The following RASGRF2 variants were observed in gnomAD, a reference collection of about 807,000 sequenced individuals.
RASGRF2 encodes the protein Ras protein specific guanine nucleotide releasing factor 2, also known as ras-specific guanine nucleotide-releasing factor 2.
In RASGRF2, 76 loss-of-function variants were observed where a neutral mutation model predicts 151.0. The observed-to-expected ratio is 0.50, with a 90% CI of 0.42 to 0.61. The LOEUF is 0.61. Ranked by LOEUF, RASGRF2 falls within the 20% of genes least tolerant of loss-of-function variation. The pLI is 0.00. For synonymous variants in RASGRF2, 504 were observed against 566.5 expected (o/e 0.89, Z 1.57); for missense variants, 1,148 against 1,564.6 (o/e 0.73, Z 4.49).
chr5:80,972,000 G>T (rs1040709915), intron 1 of RASGRF2, among the ~76,000 whole-genome samples: 1 of 152,112 alleles, frequency 6.6e-6, no homozygotes, highest in Non-Finnish European at 1.5e-5. Context: ...CTCCCAAAGT[G>T]CTGGGATTAC....
intron 12 of RASGRF2, among the ~76,000 whole-genome samples, chr5:81,105,710 A>G: frequency 6.6e-6 from 1 of 152,152 alleles, no homozygotes; most frequent in South Asian, 2.1e-4. Flanking sequence ...AAAGAAGTCT[A>G]AGGAGTAGCT....
In RASGRF2 at chr5:81,001,695, C is replaced by G. The variant is rs76140714; in HGVS notation, c.288+40669C>G. Among the ~76,000 whole-genome samples, 799 of 152,284 alleles carry G rather than the reference C, an allele frequency of 5.2e-3. 8 individuals are homozygous for G. The highest frequency in any genetic ancestry group is 0.018 in the African/African-American group (739 of 41,550). Reference sequence around the variant, plus strand: ...CTCCTCTTGTGAAAACCCAGAGCAACCTTTTCGAGACAATTGTACCCTGAC... The same window carrying G: ...CTCCTCTTGTGAAAACCCAGAGCAAGCTTTTCGAGACAATTGTACCCTGAC... On this transcript the variant is annotated intron_variant, in intron 1 of 26. Coordinates refer to ENST00000265080, the MANE Select transcript of RASGRF2 (RefSeq NM_006909.3).
At chr5:81,146,930 A>C (rs2112611962) in intron 17 of RASGRF2, among the ~76,000 whole-genome samples, 1 of 152,290 alleles carries the variant, frequency 6.6e-6, no homozygotes, top group Non-Finnish European at 1.5e-5. Context: ...CTGTGTACAC[A>C]CAGTACCATA....
intron 12 of RASGRF2, among the ~76,000 whole-genome samples, chr5:81,104,933 G>C (rs1049782396): frequency 1.3e-5 from 2 of 152,168 alleles, no homozygotes; most frequent in African/African-American, 2.4e-5. Flanking sequence ...GTGGCTTGTG[G>C]ACTATGGAAG....
intron 12 of RASGRF2, among the ~76,000 whole-genome samples, chr5:81,099,176 C>T (rs1005058384): frequency 6.6e-6 from 1 of 152,142 alleles, no homozygotes; most frequent in African/African-American, 2.4e-5. Context: ...CTAAAGTCTC[C>T]ACAATCTTGC....
chr5:81,108,834 CTGTGTGTGTGTGTGTG>C (rs10606038), intron 12 of RASGRF2, among the ~76,000 whole-genome samples, 146 bp from the exon 13 acceptor site: 64 of 139,912 alleles, frequency 4.6e-4, no homozygotes, highest in Middle Eastern at 3.6e-3. Flanking sequence ...TTTACCTACT[CTGTGTGTGTGTGTGTG>C]TGTGTGTGTG....
chr5:81,053,375 G>A (rs1052366469), intron 2 of RASGRF2, among the ~76,000 whole-genome samples: 2 of 149,638 alleles, frequency 1.3e-5, no homozygotes, highest in African/African-American at 4.9e-5. Context: ...AACATGCGGT[G>A]TTTGGTTTTT....
At chr5:81,032,303 A>G (rs1400538184) in intron 1 of RASGRF2, among the ~76,000 whole-genome samples, 3 of 152,252 alleles carry the variant, frequency 2.0e-5, no homozygotes, top group African/African-American at 4.8e-5. Flanking sequence ...TTATGAGGCT[A>G]GCATCATCTT....
intron 2 of RASGRF2, among the ~76,000 whole-genome samples, chr5:81,049,572 A>G (rs533396265): frequency 6.6e-6 from 1 of 152,062 alleles, no homozygotes; most frequent in South Asian, 2.1e-4. Context: ...TGTGGCTGCT[A>G]TGTAGGGCTT....
rs1460246892 is a variant in RASGRF2 at position 81,183,205 on chromosome 5, C to T, written c.2793+2924C>T. The T allele has an allele frequency of 3.1e-6, 3 of 983,574 alleles. No individual in the cohort carries two copies. The African/African-American group carries it at 5.2e-5, about 17-fold the overall frequency. 60.9% of individuals were successfully genotyped at this position (983,574 alleles called of 1,614,324 possible). The stretch of plus-strand genomic sequence containing the variant: ...GGGAGGCCACTTCGATTTCTAGAAA[C>T]AGAAAAGCTGTAGATCCACATCAAT... On this transcript the variant is annotated intron_variant, in intron 18 of 26. Transcript: ENST00000265080.
At chr5:81,190,644 ACAAC>A (rs1366889683) in intron 18 of RASGRF2, among the ~76,000 whole-genome samples, 4 of 152,130 alleles carry the variant, frequency 2.6e-5, no homozygotes, top group Non-Finnish European at 4.4e-5. Flanking sequence ...GTCCAGGCAA[ACAAC>A]CAACCAAGTA....
At chr5:81,202,009 A>G (rs575607297) in intron 19 of RASGRF2, among the ~76,000 whole-genome samples, 23 of 152,268 alleles carry the variant, frequency 1.5e-4, no homozygotes, top group African/African-American at 5.3e-4. Flanking sequence ...CCACACTTCT[A>G]TGTGATAAAG....
At position 81,156,122 on chromosome 5, in the gene RASGRF2, CA is replaced by C. The variant is rs201843476; in HGVS notation, c.2687-24049del. On this transcript the variant is annotated intron_variant, in intron 17 of 26. Coordinates refer to ENST00000265080, the MANE Select transcript of RASGRF2 (RefSeq NM_006909.3). ...AAATTTCTAATAAGATACAAATGAT[CA>C]AAACTGATTCAAAAGAAGAAAAAAA... Among the ~76,000 whole-genome samples, 1,017 of 143,854 alleles carry C rather than the reference CA, an allele frequency of 7.1e-3. 23 individuals carry two copies. Among genetic ancestry groups the C allele is most frequent in the Admixed American group, 0.051 (728 of 14,254 alleles). The allele number at this position is 143,854 out of a possible 152,430, so 94.4% of individuals were successfully genotyped here.
At chr5:81,173,455 T>C (rs912842046) in intron 17 of RASGRF2, among the ~76,000 whole-genome samples, 7 of 152,198 alleles carry the variant, frequency 4.6e-5, no homozygotes, top group African/African-American at 1.7e-4. Context: ...ACACCAAATG[T>C]CCTGCCCTAT....
chr5:81,192,495 A>G (rs1471584842), intron 18 of RASGRF2, among the ~76,000 whole-genome samples: 2 of 152,222 alleles, frequency 1.3e-5, no homozygotes, highest in East Asian at 1.9e-4. Context: ...TCACTTTTCC[A>G]GCAAGAAGCC....
intron 13 of RASGRF2, among the ~76,000 whole-genome samples, chr5:81,110,619 C>T (rs1219881926): frequency 2.0e-5 from 3 of 151,234 alleles, no homozygotes; most frequent in Admixed American, 1.3e-4. Context: ...GTGAAAATAT[C>T]CCTTTATAGG....
intron 2 of RASGRF2, among the ~76,000 whole-genome samples, chr5:81,045,676 G>A (rs73127136): frequency 0.024 from 2,439 of 100,464 alleles, 49 homozygotes; most frequent in African/African-American, 0.08. Context: ...ACCTAGGACT[G>A]GGTTCTTTGA....
At chr5:81,094,810 G>GT (rs777886755) in intron 11 of RASGRF2, 46 bp from the exon 12 acceptor site, 7 of 1,538,786 alleles carry the variant, frequency 4.5e-6, no homozygotes, top group South Asian at 2.3e-5. Context: ...ATCACTCTTT[G>GT]TTTTTTTGTA....
intron 8 of RASGRF2, 133 bp from the exon 9 acceptor site, chr5:81,086,702 C>T (rs1015836888): frequency 2.9e-6 from 2 of 693,038 alleles, no homozygotes; most frequent in Non-Finnish European, 4.9e-6. Flanking sequence ...AAGATCCAGC[C>T]TATTTCCCCC....
Sources: allele counts gnomAD v4.1 joint callset (sites outside exome capture counted in the v4.1 genomes callset), GRCh38; gene constraint gnomAD v4.1.1; transcripts MANE v1.5; gene names NCBI Gene and HGNC (gene_info 2026-07-23, HGNC 2026-07-21).